The following ANKRD18A variants were observed in gnomAD, a reference collection of about 807,000 sequenced individuals.
The protein encoded by ANKRD18A is ankyrin repeat domain 18A, also known as ankyrin repeat domain-containing protein 18A.
A neutral mutation model predicts 110.6 loss-of-function variants in ANKRD18A; 72 were observed. The observed-to-expected ratio is 0.65, with a 90% CI of 0.54 to 0.79. The LOEUF is 0.79. Among genes scored for constraint, ANKRD18A ranks in the 30% least tolerant of loss-of-function variants. ANKRD18A has a pLI of 0.00. For synonymous variants in ANKRD18A, 305 were observed against 410.3 expected (o/e 0.74, Z 3.10); for missense variants, 934 against 1,163.3 (o/e 0.80, Z 2.87).
At chr9:38,592,956 T>C (rs1435988539) in intron 10 of ANKRD18A, among the ~76,000 whole-genome samples, 2 of 152,230 alleles carry the variant, frequency 1.3e-5, no homozygotes, top group Non-Finnish European at 1.5e-5. Flanking sequence ...GTTGCAGTCA[T>C]GGCTAAGAGA....
At chr9:38,597,962 GTA>G (rs1447689001) in intron 8 of ANKRD18A, among the ~76,000 whole-genome samples, 4 of 152,122 alleles carry the variant, frequency 2.6e-5, no homozygotes, top group Non-Finnish European at 5.9e-5. Flanking sequence ...GAAAGTATGT[GTA>G]TTTGTTTCCA....
chr9:38,578,501 C>CA (rs936774745), intron 12 of ANKRD18A, among the ~76,000 whole-genome samples: 7 of 151,988 alleles, frequency 4.6e-5, no homozygotes, highest in African/African-American at 1.5e-4. Context: ...CAAAATTTGT[C>CA]AAAAAAACTT....
intron 8 of ANKRD18A, among the ~76,000 whole-genome samples, chr9:38,600,674 C>T (rs1197615599): frequency 1.3e-5 from 2 of 152,066 alleles, no homozygotes; most frequent in Non-Finnish European, 2.9e-5. Flanking sequence ...CAACCAGAAA[C>T]CAAAAAACAG....
intron 15 of ANKRD18A, chr9:38,572,263 C>T (rs1234024907): frequency 2.3e-6 from 1 of 425,646 alleles, no homozygotes; most frequent in Non-Finnish European, 4.2e-6. Flanking sequence ...CTTTTTCATT[C>T]TTCATTCATG....
chr9:38,587,285 G>A (rs1824428102), intron 11 of ANKRD18A, among the ~76,000 whole-genome samples: 1 of 152,140 alleles, frequency 6.6e-6, no homozygotes. Context: ...AAAGACAATG[G>A]CAGAAAAATG....
chr9:38,589,723 G>C (rs1443272472), intron 10 of ANKRD18A, among the ~76,000 whole-genome samples: 1 of 152,124 alleles, frequency 6.6e-6, no homozygotes. Context: ...TAGCAGAGAT[G>C]GTGTTTCACA....
At chr9:38,578,274 T>C (rs1322050082) in intron 12 of ANKRD18A, 126 bp from the exon 13 acceptor site, 2 of 911,046 alleles carry the variant, frequency 2.2e-6, no homozygotes, top group South Asian at 4.4e-5. Context: ...AGTAGATTCT[T>C]CAAATGTGAA....
intron 8 of ANKRD18A, among the ~76,000 whole-genome samples, chr9:38,598,802 C>T (rs563916576): frequency 2.0e-5 from 3 of 152,214 alleles, no homozygotes; most frequent in African/African-American, 7.2e-5. Flanking sequence ...GCTTGTGGAA[C>T]AAGCGCTGTA....
Position 38,620,301 on chromosome 9 carries a change from G to A in ANKRD18A, c.-16C>T, listed in dbSNP as rs1826036642. The A allele has an allele frequency of 6.5e-7, 1 of 1,549,142 alleles. No individual in the cohort carries two copies. The highest frequency in any genetic ancestry group is 8.7e-7 in the Non-Finnish European group (1 of 1,145,792). ...GCTTCCTCATGGTGGCGACTTCTCA[G>A]ACGCCCACCACCCGCTCCTGAGCCG... On this transcript the variant is annotated 5_prime_UTR_variant, in exon 1 of 16. Transcript: ENST00000399703.
chr9:38,585,875 G>A lies in ANKRD18A; in HGVS notation c.2247+308C>T, dbSNP rs144068333. 2.0e-3 allele frequency among the ~76,000 whole-genome samples: 305 copies of A among 152,186 alleles called. 2 individuals are homozygous for A. Among genetic ancestry groups the A allele is most frequent in the East Asian group, 9.3e-3 (48 of 5,176 alleles). On this transcript the variant is annotated intron_variant, in intron 12 of 15. Coordinates refer to ENST00000399703, the MANE Select transcript of ANKRD18A (RefSeq NM_147195.4). ...TTTTTGCAGGGACATGGATGAACTC[G>A]GAGCTGTTATCCTCAGCACACTAAC...
At position 38,577,248 on chromosome 9, in the gene ANKRD18A, T is replaced by A; in HGVS notation, c.2546A>T (p.Glu849Val). 6.5e-7 allele frequency: 1 copy of A among 1,529,322 alleles called. No individual in the cohort carries two copies. 94.7% of individuals were successfully genotyped at this position (1,529,322 alleles called of 1,614,324 possible). Residue 849 changes from glutamate (E) to valine (V), a missense_variant, in exon 14 of 16, where the codon GAA (glutamate) becomes GTA (valine). This residue lies in a region of ANKRD18A where 223 missense variants were observed against 226.7 expected (regional missense o/e 0.98). Coordinates refer to ENST00000399703, the MANE Select transcript of ANKRD18A (RefSeq NM_147195.4). The stretch of plus-strand genomic sequence containing the variant: ...CTTGTTTAACTGCTCTAATTGTTTT[T>A]CATATTCTGCTTGTTTCTAAAACAA... ...EIHLQKQAEY[E>V]KQLEQLNKDN... is the part of the protein sequence containing the mutation.
intron 8 of ANKRD18A, among the ~76,000 whole-genome samples, chr9:38,598,923 T>C (rs1825004124): frequency 2.0e-5 from 3 of 152,240 alleles, no homozygotes; most frequent in Admixed American, 2.0e-4. Context: ...AAAAGACTTT[T>C]TGGATCTACA....
Position 38,613,890 on chromosome 9 carries a change from G to A in ANKRD18A, c.495+1704C>T, listed in dbSNP as rs138058206. Among the ~76,000 whole-genome samples, 244 of 152,300 alleles carry A rather than the reference G, an allele frequency of 1.6e-3. 3 individuals are homozygous for A. The highest frequency in any genetic ancestry group is 5.6e-3 in the African/African-American group (232 of 41,564). ...CAAAGGAACATGAAATTGTGAAAGG[G>A]TCAGTCTCTACTTATTGAAAGATTA... On this transcript the variant is annotated intron_variant, in intron 3 of 15. Transcript: ENST00000399703.
chr9:38,570,102 G>T (rs1297696790), downstream of ANKRD18A, among the ~76,000 whole-genome samples: 2 of 152,032 alleles, frequency 1.3e-5, no homozygotes, highest in South Asian at 2.1e-4. Context: ...CCCCAACGAG[G>T]CCCCTAATGA....
chr9:38,617,487 G>A (rs1404980114), intron 1 of ANKRD18A, among the ~76,000 whole-genome samples: 2 of 152,066 alleles, frequency 1.3e-5, no homozygotes, highest in African/African-American at 2.4e-5. Context: ...GAAGCTAAAG[G>A]AAACTCATGA....
At chr9:38,569,652 T>A (rs4878829), downstream of ANKRD18A, among the ~76,000 whole-genome samples, 43,003 of 151,956 alleles carry the variant, frequency 0.28, 6,321 homozygotes, top group East Asian at 0.44. Context: ...TGTTTGTGTA[T>A]GCGTGTGTGT....
chr9:38,568,726 G>A, downstream of ANKRD18A: 1 of 985,210 alleles, frequency 1.0e-6, no homozygotes, highest in Non-Finnish European at 1.2e-6. Context: ...GTCCTGTCTT[G>A]GGCCAAATTC....
chr9:38,601,878 G>A (rs1825129300), intron 7 of ANKRD18A, among the ~76,000 whole-genome samples: 1 of 151,260 alleles, frequency 6.6e-6, no homozygotes, highest in Non-Finnish European at 1.5e-5. Flanking sequence ...AGGTACTCAA[G>A]AGGTTGAGGC....
At chr9:38,570,114 C>G (rs1412473596), downstream of ANKRD18A, among the ~76,000 whole-genome samples, 2 of 152,106 alleles carry the variant, frequency 1.3e-5, no homozygotes, top group East Asian at 3.9e-4. Context: ...CCCTAATGAG[C>G]ACTCCCCCAT....
Sources: gnomAD v4.1 joint callset for allele counts (sites outside exome capture counted in the v4.1 genomes callset) on GRCh38, gnomAD v4.1.1 for gene constraint, gnomAD v4.1.1 regional missense constraint, MANE v1.5 for transcripts, NCBI Gene and HGNC (gene_info 2026-07-23, HGNC 2026-07-21) for gene names.